Variants in IL1RAP observed in about 807,000 individuals in gnomAD.
The protein encoded by IL1RAP is interleukin-1 receptor accessory protein.
A neutral mutation model predicts 60.7 loss-of-function variants in IL1RAP; 35 were observed. The observed-to-expected ratio is 0.58, with a 90% CI of 0.44 to 0.76. The LOEUF is 0.76. Among genes scored for constraint, IL1RAP ranks in the 30% least tolerant of loss-of-function variants. The probability of loss-of-function intolerance (pLI) is 0.00; values close to 1 mark genes in which losing one functional copy is unlikely to be tolerated. For synonymous variants in IL1RAP, 268 were observed against 250.9 expected (o/e 1.07, Z -0.64); for missense variants, 572 against 693.9 (o/e 0.82, Z 1.97).
intron 9 of IL1RAP, among the ~76,000 whole-genome samples, chr3:190,632,790 G>A (rs1732898653): frequency 6.6e-6 from 1 of 152,080 alleles, no homozygotes; most frequent in Non-Finnish European, 1.5e-5. Flanking sequence ...CTGGGTTAAT[G>A]TTTAGTGTTT....
intron 1 of IL1RAP, chr3:190,516,330 T>A (rs1721510019): frequency 6.6e-6 from 1 of 152,308 alleles, no homozygotes; most frequent in Non-Finnish European, 1.5e-5. Context: ...AATGTGTGCC[T>A]GAGAGACAGG....
intron 1 of IL1RAP, among the ~76,000 whole-genome samples, chr3:190,521,310 T>C (rs1721997362): frequency 6.6e-6 from 1 of 152,120 alleles, no homozygotes. Flanking sequence ...ATTTTTTTTT[T>C]GCAATAATTC....
rs1050404101 is a variant in IL1RAP at position 190,554,269 on chromosome 3, GA to G, written c.-88-1852del. On this transcript the variant is annotated intron_variant, in intron 1 of 11. Coordinates refer to ENST00000447382, the MANE Select transcript of IL1RAP (RefSeq NM_002182.4). ...AAAATGGAATTTATTGGGCAAAAAG[GA>G]AAAAAAAAGGAAACGGGCTCTCAGC... 8.0e-5 allele frequency among the ~76,000 whole-genome samples: 12 copies of G among 150,230 alleles called. No individual in the cohort carries two copies. The East Asian group carries it at 9.8e-4, about 12-fold the overall frequency.
intron 9 of IL1RAP, chr3:190,630,148 A>G (rs1439876739): frequency 6.6e-6 from 5 of 760,616 alleles, no homozygotes; most frequent in Non-Finnish European, 8.0e-6. Flanking sequence ...ATATACCAGC[A>G]GCCACAATTG....
chr3:190,589,673 CT>C (rs1728777075), intron 3 of IL1RAP, among the ~76,000 whole-genome samples: 1 of 152,170 alleles, frequency 6.6e-6, no homozygotes, highest in African/African-American at 2.4e-5. Context: ...GGAATATTGG[CT>C]GCACATCTTG....
At chr3:190,545,844 A>G (rs1724320927) in intron 1 of IL1RAP, among the ~76,000 whole-genome samples, 1 of 152,190 alleles carries the variant, frequency 6.6e-6, no homozygotes. Flanking sequence ...GTATGTATAT[A>G]TGTGTGAATC....
chr3:190,577,281 G>T (rs1293606993), intron 3 of IL1RAP, among the ~76,000 whole-genome samples: 1 of 152,158 alleles, frequency 6.6e-6, no homozygotes, highest in Admixed American at 6.5e-5. Context: ...CAGAACTAGT[G>T]TGAAACCTTT....
chr3:190,566,941 G>A (rs747426528), intron 3 of IL1RAP, among the ~76,000 whole-genome samples: 1 of 152,124 alleles, frequency 6.6e-6, no homozygotes, highest in Non-Finnish European at 1.5e-5. Flanking sequence ...CCATCTCAAC[G>A]GAAACACAGG....
intron 10 of IL1RAP, among the ~76,000 whole-genome samples, 200 bp from the exon 11 acceptor site, chr3:190,645,499 G>C (rs976369471): frequency 6.6e-6 from 1 of 152,184 alleles, no homozygotes; most frequent in African/African-American, 2.4e-5. Flanking sequence ...TGTAAGATGA[G>C]AGTTGAGGAT....
intron 7 of IL1RAP, among the ~76,000 whole-genome samples, chr3:190,623,619 C>T (rs1177443117): frequency 6.6e-6 from 1 of 152,196 alleles, no homozygotes; most frequent in Non-Finnish European, 1.5e-5. Flanking sequence ...GCTTCACTCT[C>T]GGTATCTGCT....
rs909515703 is a variant in IL1RAP at position 190,559,395 on chromosome 3, A to G, written c.-2+3179A>G. Among the ~76,000 whole-genome samples, 7 of 151,646 alleles carry G rather than the reference A, an allele frequency of 4.6e-5. No homozygotes were observed. In the Middle Eastern group the frequency reaches 0.01, roughly 221 times the overall value. On this transcript the variant is annotated intron_variant, in intron 2 of 11. Transcript: ENST00000447382. ...CCTGTTTTGAAATTATTTGATTTCT[A>G]CTCTATAAAATTTCCTTTATTATGC...
At chr3:190,630,524 T>C (rs893621558) in intron 9 of IL1RAP, among the ~76,000 whole-genome samples, 1 of 152,216 alleles carries the variant, frequency 6.6e-6, no homozygotes, top group African/African-American at 2.4e-5. Context: ...AATGCTTTTT[T>C]AAAGCTGATG....
At chr3:190,548,983 G>A (rs1021952468) in intron 1 of IL1RAP, among the ~76,000 whole-genome samples, 2 of 152,090 alleles carry the variant, frequency 1.3e-5, no homozygotes, top group African/African-American at 2.4e-5. Context: ...ATAAAAAGAG[G>A]TTCATGGTCA....
rs1220063374 is a variant in IL1RAP at position 190,648,657 on chromosome 3, T to C, written c.1665T>C (p.Ser555=). The C allele has an allele frequency of 6.2e-7, 1 of 1,614,100 alleles. No homozygotes were observed. ...AMPVKKSPRR[S]SSDEQGLSYS... is the part of the protein sequence containing the mutation. ...CAGTGAAGAAAAGTCCCAGGCGGTC[T>C]AGCAGTGATGAGCAGGGCCTCTCGT... Residue 555 remains serine, a synonymous_variant, in exon 12 of 12, where the codon TCT becomes TCC. Transcript: ENST00000447382.
intron 3 of IL1RAP, among the ~76,000 whole-genome samples, chr3:190,565,545 T>C (rs1726310589): frequency 6.6e-6 from 1 of 152,202 alleles, no homozygotes; most frequent in South Asian, 2.1e-4. Flanking sequence ...AAAGGAGTGG[T>C]ATAAGTAGGA....
At chr3:190,553,163 C>T (rs1475138596) in intron 1 of IL1RAP, among the ~76,000 whole-genome samples, 4 of 152,154 alleles carry the variant, frequency 2.6e-5, no homozygotes, top group African/African-American at 9.7e-5. Flanking sequence ...TTACATGCCA[C>T]GCCCCCGAGG....
intron 4 of IL1RAP, among the ~76,000 whole-genome samples, chr3:190,605,693 G>A (rs977918404): frequency 6.6e-5 from 10 of 152,018 alleles, no homozygotes; most frequent in Non-Finnish European, 2.9e-5. Context: ...GCTTGTATAT[G>A]GCCATCTTCT....
At chr3:190,542,937 C>CA (rs200862692) in intron 1 of IL1RAP, among the ~76,000 whole-genome samples, 2,334 of 132,908 alleles carry the variant, frequency 0.018, 40 homozygotes, top group Admixed American at 0.047. Context: ...TCACCCTAGC[C>CA]AAAAAAAAAT....
chr3:190,651,056 A>G lies in IL1RAP; in HGVS notation c.*2351A>G. 24 of 984,864 alleles carry G rather than the reference A, an allele frequency of 2.4e-5. No homozygotes were observed. The highest frequency in any genetic ancestry group is 2.9e-5 in the Non-Finnish European group (24 of 829,412). The allele number at this position is 984,864 out of a possible 1,614,324, so 61.0% of individuals were successfully genotyped here. On this transcript the variant is annotated 3_prime_UTR_variant, in exon 12 of 12. Transcript: ENST00000447382. ...TTTATGTGATACGTATCATTGCAAG[A>G]GAATTTGTTTCAAGATTTTTTTTTA...
Sources: gnomAD v4.1 joint callset for allele counts (sites outside exome capture counted in the v4.1 genomes callset) on GRCh38, gnomAD v4.1.1 for gene constraint, MANE v1.5 for transcripts, NCBI Gene and HGNC (gene_info 2026-07-23, HGNC 2026-07-21) for gene names.